The following BPTF variants were observed in gnomAD, a reference collection of about 807,000 sequenced individuals.
The protein encoded by BPTF is bromodomain PHD finger transcription factor.
A neutral mutation model predicts 292.5 loss-of-function variants in BPTF; 18 were observed. The ratio of observed to expected loss-of-function variants is 0.06; its 90% CI spans 0.04 to 0.09. BPTF has a LOEUF of 0.09. Among genes scored for constraint, BPTF ranks in the 10% least tolerant of loss-of-function variants. The pLI, the probability that BPTF is intolerant of heterozygous loss-of-function variation, is 1.00. For missense variants in BPTF, 2,726 were observed against 3,498.7 expected (o/e 0.78, Z 5.57); for synonymous variants, 1,225 against 1,251.9 (o/e 0.98, Z 0.45).
chr17:67,884,199 G>A (rs543872635), intron 4 of BPTF, among the ~76,000 whole-genome samples: 2 of 148,738 alleles, frequency 1.3e-5, no homozygotes, highest in South Asian at 2.1e-4. Flanking sequence ...GTGCAGTGGC[G>A]CAATCTCAGC....
At chr17:67,976,742 C>T (rs1226146179) in intron 27 of BPTF, among the ~76,000 whole-genome samples, 1 of 146,888 alleles carries the variant, frequency 6.8e-6, no homozygotes, top group Non-Finnish European at 1.5e-5. Flanking sequence ...ATTTCCTGAG[C>T]TGATGATTGT....
intron 1 of BPTF, among the ~76,000 whole-genome samples, chr17:67,852,871 C>T (rs1316375209): frequency 6.6e-6 from 1 of 152,234 alleles, no homozygotes; most frequent in Admixed American, 6.5e-5. Flanking sequence ...TGCGGTGGCT[C>T]ACGCCTGTAA....
At chr17:67,935,060 A>G (rs769407220) in intron 18 of BPTF, among the ~76,000 whole-genome samples, 16 of 152,164 alleles carry the variant, frequency 1.1e-4, no homozygotes, top group Non-Finnish European at 2.2e-4. Flanking sequence ...GAAATAAATC[A>G]GTGAATAAAA....
chr17:67,964,196 A>G lies in BPTF; in HGVS notation c.8262-16A>G. On this transcript the variant is annotated splice_polypyrimidine_tract_variant and intron_variant, in intron 24 of 27. Transcript: ENST00000306378. ...CCATGTGTTTTGAACTCACATTTCC[A>G]TTTCGGATCTTGCAGATTTTATATT... 1.3e-6 allele frequency: 2 copies of G among 1,599,990 alleles called. No homozygotes were observed. The highest frequency in any genetic ancestry group is 1.1e-5 in the South Asian group (1 of 90,574).
intron 1 of BPTF, among the ~76,000 whole-genome samples, chr17:67,843,557 G>A (rs2057749596): frequency 6.8e-6 from 1 of 147,924 alleles, no homozygotes; most frequent in African/African-American, 2.5e-5. Context: ...ATAAATATCT[G>A]TATATATCTA....
intron 4 of BPTF, among the ~76,000 whole-genome samples, chr17:67,882,660 T>A (rs991711094): frequency 2.6e-5 from 4 of 152,234 alleles, no homozygotes; most frequent in Non-Finnish European, 5.9e-5. Flanking sequence ...CTCATTATAC[T>A]ACATTTCTAG....
chr17:67,922,031 CA>C (rs553897198), intron 13 of BPTF, among the ~76,000 whole-genome samples: 9 of 141,836 alleles, frequency 6.3e-5, no homozygotes, highest in East Asian at 6.1e-4. Context: ...ACTCTGTCTC[CA>C]AAAAAAAAAC....
At chr17:67,977,843 CA>C (rs1196102560) in intron 27 of BPTF, 46 of 131,594 alleles carry the variant, frequency 3.5e-4, no homozygotes, top group South Asian at 5.1e-4. Context: ...GATTCCATCT[CA>C]AAAAAAAAAA....
intron 22 of BPTF, 95 bp from the exon 23 acceptor site, chr17:67,947,986 G>T: frequency 7.4e-7 from 1 of 1,350,726 alleles, no homozygotes; most frequent in Non-Finnish European, 1.0e-6. Context: ...GTCACAGAAA[G>T]TTTTTGTCTC....
In BPTF at chr17:67,945,812, G is replaced by C. The variant is rs1555674683; in HGVS notation, c.7104G>C (p.Gln2368His). 2 of 1,614,104 alleles carry C rather than the reference G, an allele frequency of 1.2e-6. No homozygotes were observed. Among genetic ancestry groups the C allele is most frequent in the Admixed American group, 3.3e-5 (2 of 60,010 alleles). ...CTCCTGGACAACAATCCCAGGTTCA[G>C]ACTACAACCTCACAACCGATTCCAA... ...QLSPGQQSQV[Q>H]TTTSQPIPIQ... The change falls in exon 21 of 28, where the codon CAG (glutamine) becomes CAC (histidine). Residue 2368 changes from glutamine (Q) to histidine (H), a missense_variant. By Grantham distance (24) the Gln-to-His change is conservative (BLOSUM62 0). Transcript: ENST00000306378.
At chr17:67,850,103 A>G (rs1372516370) in intron 1 of BPTF, among the ~76,000 whole-genome samples, 1 of 152,216 alleles carries the variant, frequency 6.6e-6, no homozygotes, top group African/African-American at 2.4e-5. Flanking sequence ...CAGATAATGC[A>G]AGGATATCAT....
intron 24 of BPTF, among the ~76,000 whole-genome samples, chr17:67,961,504 C>A (rs1555684022): frequency 6.6e-6 from 1 of 152,126 alleles, no homozygotes. Context: ...CAAACTATCT[C>A]AGAGGACCCC....
chr17:67,941,492 T>C (rs1377061242), intron 19 of BPTF, among the ~76,000 whole-genome samples: 4 of 152,054 alleles, frequency 2.6e-5, no homozygotes, highest in African/African-American at 9.7e-5. Context: ...CTTCACTAAT[T>C]AATATAGTGA....
chr17:67,952,327 C>T lies in BPTF; in HGVS notation c.7926+4021C>T, dbSNP rs181103841. Among the ~76,000 whole-genome samples the T allele has an allele frequency of 2.3e-3, 331 of 146,940 alleles. 1 individual carries two copies. The highest frequency in any genetic ancestry group is 7.2e-3 in the Middle Eastern group (2 of 278). On this transcript the variant is annotated intron_variant, in intron 23 of 27. Transcript: ENST00000306378. ...TTGTTCAGGCTGGAGCGTGTAGGGC[C>T]ATCTCCGTTCACTGCAACCTCTGCC...
intron 20 of BPTF, 107 bp from the exon 21 acceptor site, chr17:67,945,302 C>T (rs2065722132): frequency 6.6e-7 from 1 of 1,511,116 alleles, no homozygotes; most frequent in Non-Finnish European, 8.8e-7. Flanking sequence ...TGTGAGCCAC[C>T]ACGCCTGGCC....
chr17:67,853,200 C>T (rs569184563), intron 1 of BPTF, among the ~76,000 whole-genome samples: 4 of 152,188 alleles, frequency 2.6e-5, no homozygotes, highest in African/African-American at 4.8e-5. Flanking sequence ...TATATACTTA[C>T]ATATGTATAT....
chr17:67,829,597 T>C (rs990210878), intron 1 of BPTF, among the ~76,000 whole-genome samples: 18 of 152,104 alleles, frequency 1.2e-4, no homozygotes, highest in Non-Finnish European at 1.0e-4. Flanking sequence ...TTTTTTAGTC[T>C]GTACTTCCTG....
chr17:67,912,750 A>G lies in BPTF; in HGVS notation c.4866A>G (p.Lys1622=). ...TTTCTTCCACAGAAAATTGTGCAAA[A>G]TCCACTGTCACAACCACCACTACAA... is the stretch of plus-strand genomic sequence containing the variant. ...TVVSSTENCA[K]STVTTTTTTV... The change falls in exon 11 of 28, where the codon AAA becomes AAG. Residue 1622 remains lysine, a synonymous_variant. Coordinates refer to ENST00000306378, the MANE Select transcript of BPTF (RefSeq NM_182641.4). The G allele has an allele frequency of 1.2e-6, 2 of 1,614,106 alleles. No homozygotes were observed. Among genetic ancestry groups the G allele is most frequent in the Non-Finnish European group, 8.5e-7 (1 of 1,180,034 alleles).
intron 2 of BPTF, among the ~76,000 whole-genome samples, chr17:67,861,254 T>C (rs1040179870): frequency 2.0e-5 from 3 of 152,092 alleles, no homozygotes; most frequent in African/African-American, 7.2e-5. Flanking sequence ...TGTCCCTCCG[T>C]GATACAAGCC....
Sources: allele counts gnomAD v4.1 joint callset (sites outside exome capture counted in the v4.1 genomes callset), GRCh38; gene constraint gnomAD v4.1.1; transcripts MANE v1.5; gene names NCBI Gene and HGNC (gene_info 2026-07-23, HGNC 2026-07-21).